Variants in IFNAR1 observed in about 807,000 individuals in gnomAD.
IFNAR1 encodes the protein interferon alpha and beta receptor subunit 1.
In IFNAR1, 47 loss-of-function variants were observed where a neutral mutation model predicts 62.1. That is an observed-to-expected ratio of 0.76 (90% CI 0.60 to 0.97). The LOEUF (loss-of-function observed/expected upper bound fraction) is 0.97. IFNAR1 is among the 50% of genes least tolerant of loss of function. The probability of loss-of-function intolerance (pLI) is 0.00; values close to 1 mark genes in which losing one functional copy is unlikely to be tolerated. For missense variants in IFNAR1, 638 were observed against 654.5 expected (o/e 0.97, Z 0.27); for synonymous variants, 219 against 226.9 (o/e 0.97, Z 0.31).
At chr21:33,344,765 C>CTTACTTAT in intron 5 of IFNAR1, among the ~76,000 whole-genome samples, 1 of 122,112 alleles carries the variant, frequency 8.2e-6, no homozygotes, top group South Asian at 2.4e-4. Context: ...TTCTTTTTTA[C>CTTACTTAT]TTATTTATTT....
At chr21:33,330,839 A>T (rs1329700226) in intron 1 of IFNAR1, among the ~76,000 whole-genome samples, 1 of 152,162 alleles carries the variant, frequency 6.6e-6, no homozygotes, top group African/African-American at 2.4e-5. Flanking sequence ...TCCCAGCTAC[A>T]CCATGGGCAC....
chr21:33,344,290 T>C (rs1229196399), intron 5 of IFNAR1, among the ~76,000 whole-genome samples: 1 of 152,238 alleles, frequency 6.6e-6, no homozygotes, highest in Non-Finnish European at 1.5e-5. Flanking sequence ...TAGTTGCTAG[T>C]AGACAAGTTA....
chr21:33,342,198 C>T (rs147951483), intron 3 of IFNAR1, among the ~76,000 whole-genome samples: 14,682 of 151,768 alleles, frequency 0.097, 988 homozygotes, highest in African/African-American at 0.19. Context: ...CACTTGAGGC[C>T]AGAAGTTCAA....
upstream of IFNAR1, chr21:33,324,896 T>TGTGTGTGG: frequency 1.6e-6 from 1 of 628,520 alleles, no homozygotes; most frequent in African/African-American, 1.8e-5. Context: ...AGGGGCGGTG[T>TGTGTGTGG]GTGTGTCAGA....
intron 1 of IFNAR1, chr21:33,334,509 A>G: frequency 5.3e-6 from 2 of 375,768 alleles, no homozygotes; most frequent in African/African-American, 2.1e-5. Flanking sequence ...GGAAATTAAG[A>G]TGTTCTTAGA....
At chr21:33,351,745 T>G (rs540128259) in intron 8 of IFNAR1, among the ~76,000 whole-genome samples, 4 of 152,176 alleles carry the variant, frequency 2.6e-5, no homozygotes, top group South Asian at 2.1e-4. Flanking sequence ...AGATGGAGTT[T>G]CACCACGTTG....
chr21:33,338,260 T>A (rs17875806), intron 2 of IFNAR1, among the ~76,000 whole-genome samples: 78,290 of 151,896 alleles, frequency 0.52, 20,668 homozygotes, highest in African/African-American at 0.64. Context: ...AGGCTGGGCA[T>A]GGTGGCTCAC....
chr21:33,331,195 G>T (rs2850021), intron 1 of IFNAR1, among the ~76,000 whole-genome samples: 57,889 of 152,084 alleles, frequency 0.38, 11,190 homozygotes, highest in Middle Eastern at 0.46. Flanking sequence ...CACTGCCCTT[G>T]GGCTAGAGCT....
chr21:33,325,081 C>G lies in IFNAR1; in HGVS notation c.26C>G (p.Thr9Arg), dbSNP rs1487617470. Residue 9 changes from threonine to arginine, a missense_variant, in exon 1 of 11, where the codon ACG becomes AGG. Physicochemically the swap from Thr to Arg is moderately conservative, Grantham distance 71 (BLOSUM62 -1). Coordinates refer to ENST00000270139, the MANE Select transcript of IFNAR1 (RefSeq NM_000629.3). Reference protein sequence around the residue: MMVVLLGATTLVLVAVAPW... With the variant: MMVVLLGARTLVLVAVAPW... Reference sequence around the variant, plus strand: ...ATGATGGTCGTCCTCCTGGGCGCGACGACCCTAGTGCTCGTCGCCGTGGCG... The same window carrying G: ...ATGATGGTCGTCCTCCTGGGCGCGAGGACCCTAGTGCTCGTCGCCGTGGCG... 1 of 1,609,876 alleles carries G rather than the reference C, an allele frequency of 6.2e-7. No individual in the cohort carries two copies. The highest frequency in any genetic ancestry group is 8.5e-7 in the Non-Finnish European group (1 of 1,178,928).
chr21:33,335,456 G>C (rs771483438), intron 1 of IFNAR1, 68 bp from the exon 2 acceptor site: 2 of 864,732 alleles, frequency 2.3e-6, no homozygotes, highest in Non-Finnish European at 3.5e-6. Flanking sequence ...GGATGTGAGG[G>C]ATAGAATAAC....
intron 1 of IFNAR1, among the ~76,000 whole-genome samples, chr21:33,326,679 A>G (rs972539243): frequency 2.0e-5 from 3 of 152,198 alleles, no homozygotes; most frequent in Admixed American, 6.5e-5. Flanking sequence ...TGGCTGAAGC[A>G]TAATGCTAGT....
rs114441765 is a variant in IFNAR1 at position 33,354,442 on chromosome 21, A to G, written c.1440+659A>G. Among the ~76,000 whole-genome samples the G allele has an allele frequency of 1.9e-3, 287 of 152,364 alleles. 2 individuals carry two copies. Among genetic ancestry groups the G allele is most frequent in the African/African-American group, 6.4e-3 (265 of 41,588 alleles). Reference sequence around the variant, plus strand: ...GATGCGTTTGTCAGAACGTAATTCCATTGTAAGTTAGGAGCATCTGTATAT... The same window carrying G: ...GATGCGTTTGTCAGAACGTAATTCCGTTGTAAGTTAGGAGCATCTGTATAT... On this transcript the variant is annotated intron_variant, in intron 10 of 10. Coordinates refer to ENST00000270139, the MANE Select transcript of IFNAR1 (RefSeq NM_000629.3).
chr21:33,326,456 C>T, intron 1 of IFNAR1, among the ~76,000 whole-genome samples: 1 of 152,158 alleles, frequency 6.6e-6, no homozygotes. Flanking sequence ...CCACTTCAGC[C>T]TCCCAAAGTG....
chr21:33,327,580 G>A (rs929630474), intron 1 of IFNAR1, among the ~76,000 whole-genome samples: 4 of 152,180 alleles, frequency 2.6e-5, no homozygotes, highest in African/African-American at 9.7e-5. Flanking sequence ...TTTCCCAAAG[G>A]CCAAACAATT....
chr21:33,352,718 G>T, intron 8 of IFNAR1, 40 bp from the exon 9 acceptor site: 1 of 1,187,478 alleles, frequency 8.4e-7, no homozygotes, highest in South Asian at 1.5e-5. Flanking sequence ...GATTTCTTGA[G>T]GTGACTAAAT....
At chr21:33,344,106 G>A (rs1040972781) in intron 5 of IFNAR1, among the ~76,000 whole-genome samples, 6 of 152,254 alleles carry the variant, frequency 3.9e-5, no homozygotes, top group African/African-American at 7.2e-5. Context: ...AGCCAAGATC[G>A]CGCCACTGCA....
At chr21:33,324,720 C>A (rs910522634), upstream of IFNAR1, 19 of 351,956 alleles carry the variant, frequency 5.4e-5, no homozygotes, top group South Asian at 7.2e-4. Flanking sequence ...TGCTCCAGAC[C>A]GGCCATAGGC....
upstream of IFNAR1, chr21:33,324,573 C>T: frequency 6.4e-6 from 1 of 156,494 alleles, no homozygotes; most frequent in Admixed American, 6.4e-5. Context: ...AGGAGCCCAC[C>T]CGCGCCCTCC....
intron 8 of IFNAR1, among the ~76,000 whole-genome samples, chr21:33,350,062 T>C (rs1423854655): frequency 6.6e-6 from 1 of 151,938 alleles, no homozygotes; most frequent in Non-Finnish European, 1.5e-5. Context: ...GAGCCTATTG[T>C]TACTGAATCA....
Sources: allele counts gnomAD v4.1 joint callset (sites outside exome capture counted in the v4.1 genomes callset), GRCh38; gene constraint gnomAD v4.1.1; transcripts MANE v1.5; gene names NCBI Gene and HGNC (gene_info 2026-07-23, HGNC 2026-07-21).